DNAAF4: variants seen among roughly 807,000 people sequenced by gnomAD.
DNAAF4 encodes the protein dynein axonemal assembly factor 4.
Under a neutral mutation model 51.8 loss-of-function variants are expected in DNAAF4, and 43 were observed. The observed-to-expected ratio is 0.83, with a 90% CI of 0.65 to 1.07. The LOEUF (loss-of-function observed/expected upper bound fraction) is 1.07, where lower values mean the gene tolerates loss of function less well. Ranked by LOEUF, DNAAF4 falls within the 50% of genes least tolerant of loss-of-function variation. DNAAF4 has a pLI of 0.00. For missense variants in DNAAF4, 581 were observed against 493.0 expected, an observed-to-expected ratio of 1.18 and a Z score of -1.69; for synonymous variants, 194 against 165.6, an observed-to-expected ratio of 1.17 and a Z score of -1.32.
intron 3 of DNAAF4, among the ~76,000 whole-genome samples, chr15:55,497,133 G>A (rs937326307): frequency 6.6e-6 from 1 of 152,010 alleles, no homozygotes; most frequent in African/African-American, 2.4e-5. Context: ...TATTAAGACA[G>A]TCCCTAAACT....
intron 6 of DNAAF4, among the ~76,000 whole-genome samples, chr15:55,441,078 A>AT (rs986003840): frequency 2.3e-4 from 34 of 147,138 alleles, no homozygotes; most frequent in Admixed American, 4.8e-4. Flanking sequence ...GATATTATTA[A>AT]TTTTTTTTTT....
intron 6 of DNAAF4, chr15:55,442,903 A>G (rs562466318): frequency 1.9e-5 from 30 of 1,612,228 alleles, no homozygotes; most frequent in Non-Finnish European, 2.5e-5. Context: ...ACCTCCATGA[A>G]TCAATCCAGG....
At chr15:55,433,191 T>G (rs2057523734) in intron 8 of DNAAF4, among the ~76,000 whole-genome samples, 1 of 152,040 alleles carries the variant, frequency 6.6e-6, no homozygotes, top group Non-Finnish European at 1.5e-5. Context: ...TCCCAGCTAC[T>G]CAGGAGGCTG....
rs538683002 is a variant in DNAAF4 at position 55,494,217 on chromosome 15, C to T, written c.272-2961G>A. ...GCTAATTTTGTATTTTTAGTAGAGACGGGGTTTCTCCATGTTGGTTAGGCT... is the reference window on the plus strand; with the variant it reads ...GCTAATTTTGTATTTTTAGTAGAGATGGGGTTTCTCCATGTTGGTTAGGCT... On this transcript the variant is annotated intron_variant, in intron 3 of 9. Transcript: ENST00000321149. Among the ~76,000 whole-genome samples, 6 of 151,742 alleles carry T rather than the reference C, an allele frequency of 4.0e-5. No homozygotes were observed. In the South Asian group the frequency reaches 1.0e-3, roughly 26 times the overall value.
At chr15:55,437,060 G>A (rs894952133) in intron 7 of DNAAF4, among the ~76,000 whole-genome samples, 1 of 144,398 alleles carries the variant, frequency 6.9e-6, no homozygotes, top group Non-Finnish European at 1.5e-5. Context: ...CAGGTGATCC[G>A]CCCGCCTCAG....
chr15:55,493,767 G>C (rs1160311500), intron 3 of DNAAF4, among the ~76,000 whole-genome samples: 1 of 152,074 alleles, frequency 6.6e-6, no homozygotes, highest in Non-Finnish European at 1.5e-5. Flanking sequence ...GCAGCATTAT[G>C]AGCATGGCTT....
intron 7 of DNAAF4, among the ~76,000 whole-genome samples, chr15:55,422,247 G>T (rs2057394870): frequency 1.3e-5 from 2 of 152,104 alleles, no homozygotes; most frequent in Admixed American, 6.6e-5. Flanking sequence ...TAGGTGGAAA[G>T]GGAAGGTTTC....
At chr15:55,420,414 GA>G (rs10710792) in intron 7 of DNAAF4, among the ~76,000 whole-genome samples, 25,788 of 145,920 alleles carry the variant, frequency 0.18, 3,612 homozygotes, top group African/African-American at 0.4. Context: ...TATCTTTCTG[GA>G]AAAAAAAAAA....
At chr15:55,439,794 G>A (rs1254332891) in intron 6 of DNAAF4, among the ~76,000 whole-genome samples, 1 of 152,090 alleles carries the variant, frequency 6.6e-6, no homozygotes, top group Non-Finnish European at 1.5e-5. Flanking sequence ...GAGAGGTAAT[G>A]AGGTTTAGGT....
At chr15:55,428,175 A>G (rs2141390480), downstream of DNAAF4, among the ~76,000 whole-genome samples, 1 of 151,748 alleles carries the variant, frequency 6.6e-6, no homozygotes, top group East Asian at 2.0e-4. Context: ...GCTGCTCTCT[A>G]ACTCCTGACC....
intron 8 of DNAAF4, 81 bp from the exon 9 acceptor site, chr15:55,432,683 C>A: frequency 7.9e-7 from 1 of 1,268,114 alleles, no homozygotes. Context: ...TGGTGGCTCA[C>A]GCCTGTAATC....
At chr15:55,469,300 A>C (rs906447944) in intron 4 of DNAAF4, among the ~76,000 whole-genome samples, 10 of 151,550 alleles carry the variant, frequency 6.6e-5, no homozygotes, top group African/African-American at 2.4e-4. Context: ...ATTGCACTCA[A>C]ACCTGGGGGA....
At chr15:55,492,278 CA>C (rs1395838394) in intron 3 of DNAAF4, among the ~76,000 whole-genome samples, 1 of 125,546 alleles carries the variant, frequency 8.0e-6, no homozygotes, top group Non-Finnish European at 1.5e-5. Flanking sequence ...AGCCTTTAAG[CA>C]GAAAAAAAAA....
At chr15:55,471,273 G>A (rs2058251519) in intron 4 of DNAAF4, among the ~76,000 whole-genome samples, 1 of 152,088 alleles carries the variant, frequency 6.6e-6, no homozygotes, top group Non-Finnish European at 1.5e-5. Flanking sequence ...CACCACCCAA[G>A]AGCCCATCAA....
rs569849006 is a variant in DNAAF4, at chr15:55,466,942, G to C, written c.625C>G (p.Leu209Val). Residue 209 changes from leucine (L) to valine (V), a missense_variant, in exon 5 of 10, where the codon CTT (leucine) becomes GTT (valine). Leu to Val is a conservative substitution (Grantham distance 32). Transcript: ENST00000321149. ...TTAATCATTTTACCTTTTGGAGCAA[G>C]ATTTCTAGATGCCAAATTTCTAGTA... ...SLTRNLASRN[L>V]APKGRNSENI... is the part of the protein sequence containing the mutation. 5.7e-6 allele frequency: 9 copies of C among 1,584,014 alleles called. 1 individual carries two copies. The African/African-American group carries it at 8.2e-5, about 15-fold the overall frequency.
In DNAAF4 at chr15:55,430,527, T is replaced by A; in HGVS notation, c.*143A>T. 1.6e-6 allele frequency: 2 copies of A among 1,267,306 alleles called. No homozygotes were observed. Among genetic ancestry groups the A allele is most frequent in the Non-Finnish European group, 2.0e-6 (2 of 999,062 alleles). The allele number at this position is 1,267,306 out of a possible 1,614,324, so 78.5% of individuals were successfully genotyped here. ...GATTCAAGTCAAACAGTTTATTTTC[T>A]ATAGATTTATAATATTTTGCCCTCA... is the stretch of plus-strand genomic sequence containing the variant. On this transcript the variant is annotated 3_prime_UTR_variant, in exon 10 of 10. Transcript: ENST00000321149.
At chr15:55,448,620 A>G (rs147251695) in intron 6 of DNAAF4, among the ~76,000 whole-genome samples, 6,908 of 150,660 alleles carry the variant, frequency 0.046, 233 homozygotes, top group Non-Finnish European at 0.068. Flanking sequence ...CTGTAATCCC[A>G]GCACTTTGGG....
intron 4 of DNAAF4, among the ~76,000 whole-genome samples, chr15:55,486,841 A>G (rs1249265351): frequency 2.0e-5 from 3 of 152,040 alleles, no homozygotes; most frequent in African/African-American, 7.2e-5. Flanking sequence ...TCACCAGAAA[A>G]CTGCTCCATC....
At chr15:55,483,915 G>T (rs2058449606) in intron 4 of DNAAF4, among the ~76,000 whole-genome samples, 1 of 129,828 alleles carries the variant, frequency 7.7e-6, no homozygotes. Flanking sequence ...GAGGAAAAGA[G>T]CAAGCAAGAA....
Sources: allele counts gnomAD v4.1 joint callset (sites outside exome capture counted in the v4.1 genomes callset), GRCh38; gene constraint gnomAD v4.1.1; transcripts MANE v1.5; gene names NCBI Gene and HGNC (gene_info 2026-07-23, HGNC 2026-07-21).